The following ID2 variants were observed in gnomAD, a reference collection of about 807,000 sequenced individuals.
ID2 encodes the protein DNA-binding protein inhibitor ID-2.
ID2 carries 2 observed loss-of-function variants against 8.3 expected under a neutral mutation model. The observed-to-expected ratio is 0.24, with a 90% CI of 0.10 to 0.76. The LOEUF is 0.76. Among genes scored for constraint, ID2 ranks in the 30% least tolerant of loss-of-function variants. The probability of loss-of-function intolerance (pLI) is 0.73; values close to 1 mark genes in which losing one functional copy is unlikely to be tolerated. For missense variants in ID2, 155 were observed against 167.0 expected (o/e 0.93, Z 0.40); for synonymous variants, 112 against 72.3 (o/e 1.55, Z -2.79).
In ID2 at chr2:8,682,094, G is replaced by A; in HGVS notation, c.-72G>A. The A allele has an allele frequency of 1.1e-5, 14 of 1,254,626 alleles. No homozygotes were observed. In the South Asian group the frequency reaches 1.5e-4, roughly 14 times the overall value. The allele number at this position is 1,254,626 out of a possible 1,614,324, so 77.7% of individuals were successfully genotyped here. A position where few individuals can be genotyped will look rare whatever the true frequency, so the allele number is the denominator to read the frequency against. On this transcript the variant is annotated 5_prime_UTR_variant, in exon 1 of 3. Coordinates refer to ENST00000396290, the MANE Select transcript of ID2 (RefSeq NM_002166.5). ...CCCGGTGCCAAGCGCAGCTAGCTCA[G>A]CAGGCGGCAGCGGCGGCCTGAGCTT...
At position 8,682,440 on chromosome 2, in the gene ID2, G is replaced by A; in HGVS notation, c.275G>A (p.Arg92Lys). 1 of 1,613,670 alleles carries A rather than the reference G, an allele frequency of 6.2e-7. No individual in the cohort carries two copies. Among genetic ancestry groups the A allele is most frequent in the South Asian group, 1.1e-5 (1 of 91,086 alleles). Residue 92 changes from arginine (R) to lysine (K), a missense_variant, in exon 1 of 3, where the codon AGA becomes AAA. Arg to Lys is a conservative substitution (Grantham distance 26). This residue lies in a region of ID2 where 75 missense variants were observed against 72.2 expected (regional missense o/e 1.04). Transcript: ENST00000396290. ...HPTIVSLHHQ[R>K]PGQNQASRTP... is the part of the protein sequence containing the mutation. ...ACTATTGTCAGCCTGCATCACCAGA[G>A]ACCCGGGCAGAACCAGGCGTCCAGG...
chr2:8,682,082 G>A lies in ID2; in HGVS notation c.-84G>A, dbSNP rs1207369472. On this transcript the variant is annotated 5_prime_UTR_variant, in exon 1 of 3. Transcript: ENST00000396290. ...TTCTGAGCCGAGCCCGGTGCCAAGCGCAGCTAGCTCAGCAGGCGGCAGCGG... is the reference window on the plus strand; with the variant it reads ...TTCTGAGCCGAGCCCGGTGCCAAGCACAGCTAGCTCAGCAGGCGGCAGCGG... The A allele has an allele frequency of 1.5e-5, 17 of 1,115,620 alleles. No homozygotes were observed. Among genetic ancestry groups the A allele is most frequent in the East Asian group, 4.7e-5 (2 of 42,208 alleles). 69.1% of individuals were successfully genotyped at this position (1,115,620 alleles called of 1,614,324 possible). A position where few individuals can be genotyped will look rare whatever the true frequency, so the allele number is the denominator to read the frequency against.
chr2:8,683,088 C>T, intron 2 of ID2, 182 bp downstream of exon 2: 6 of 612,182 alleles, frequency 9.8e-6, no homozygotes, highest in South Asian at 1.9e-5. Context: ...TTTGGGTGCT[C>T]GAGATCACAG....
At chr2:8,682,647 G>A in intron 1 of ID2, 134 bp downstream of exon 1, 2 of 734,984 alleles carry the variant, frequency 2.7e-6, no homozygotes, top group Non-Finnish European at 2.2e-6. Context: ...AGAATCTGCT[G>A]TAGATTGAGC....
Position 8,682,090 on chromosome 2 carries a change from C to G in ID2, c.-76C>G, listed in dbSNP as rs1254537204. 10 of 1,229,546 alleles carry G rather than the reference C, an allele frequency of 8.1e-6. No homozygotes were observed. Among genetic ancestry groups the G allele is most frequent in the African/African-American group, 4.5e-5 (3 of 67,006 alleles). 76.2% of individuals were successfully genotyped at this position (1,229,546 alleles called of 1,614,324 possible). A position where few individuals can be genotyped will look rare whatever the true frequency, so the allele number is the denominator to read the frequency against. ...CGAGCCCGGTGCCAAGCGCAGCTAGCTCAGCAGGCGGCAGCGGCGGCCTGA... is the reference window on the plus strand; with the variant it reads ...CGAGCCCGGTGCCAAGCGCAGCTAGGTCAGCAGGCGGCAGCGGCGGCCTGA... On this transcript the variant is annotated 5_prime_UTR_variant, in exon 1 of 3. Transcript: ENST00000396290.
Position 8,683,895 on chromosome 2 carries a change from A to G in ID2, c.*218A>G, listed in dbSNP as rs1015519316. 6 of 152,570 alleles carry G rather than the reference A, an allele frequency of 3.9e-5. No homozygotes were observed. Among genetic ancestry groups the G allele is most frequent in the African/African-American group, 1.4e-4 (6 of 41,450 alleles). 9.5% of individuals were successfully genotyped at this position (152,570 alleles called of 1,614,324 possible). A position where few individuals can be genotyped will look rare whatever the true frequency, so the allele number is the denominator to read the frequency against. ...GGACTGTGATATTCGTTATTTATGA[A>G]AAAGACTTTTAAATGCCCTTTCTGC... is the stretch of plus-strand genomic sequence containing the variant. On this transcript the variant is annotated 3_prime_UTR_variant, in exon 3 of 3. Transcript: ENST00000396290.
rs1428399046 is a variant in ID2, at chr2:8,682,258, C to G, written c.93C>G (p.Asp31Glu). The change falls in exon 1 of 3, where the codon GAC (aspartate) becomes GAG (glutamate). Residue 31 changes from aspartate to glutamate, a missense_variant. By Grantham distance (45) the Asp-to-Glu change is conservative. Around this residue, in one of 3 missense-constraint regions of ID2, gnomAD observed 73 missense variants for 72.2 expected, o/e 1.01. Coordinates refer to ENST00000396290, the MANE Select transcript of ID2 (RefSeq NM_002166.5). Reference sequence around the variant, plus strand: ...CCCGGAGCAAAACCCCTGTGGACGACCCGATGAGCCTGCTATACAACATGA... The same window carrying G: ...CCCGGAGCAAAACCCCTGTGGACGAGCCGATGAGCCTGCTATACAACATGA... ...GISRSKTPVD[D>E]PMSLLYNMND... The G allele has an allele frequency of 6.2e-7, 1 of 1,614,048 alleles. No homozygotes were observed. Among genetic ancestry groups the G allele is most frequent in the East Asian group, 2.2e-5 (1 of 44,886 alleles).
Position 8,682,465 on chromosome 2 carries a change from G to A in ID2, c.300G>A (p.Arg100=), listed in dbSNP as rs749259495. ...GACCCGGGCAGAACCAGGCGTCCAG[G>A]ACGCCGCTGACCACCCTCAACACGG... ...HQRPGQNQAS[R]TPLTTLNTDI... is the part of the protein sequence containing the mutation. Residue 100 remains arginine (R), a synonymous_variant, in exon 1 of 3, where the codon AGG becomes AGA. Transcript: ENST00000396290. 8.1e-6 allele frequency: 13 copies of A among 1,613,500 alleles called. No individual in the cohort carries two copies. The South Asian group carries it at 8.8e-5, about 11-fold the overall frequency.
chr2:8,682,231 C>T lies in ID2; in HGVS notation c.66C>T (p.Ile22=), dbSNP rs759165008. Reference sequence around the variant, plus strand: ...GCCTGTCGGACCACAGCCTGGGCATCTCCCGGAGCAAAACCCCTGTGGACG... The same window carrying T: ...GCCTGTCGGACCACAGCCTGGGCATTTCCCGGAGCAAAACCCCTGTGGACG... ...KNSLSDHSLG[I]SRSKTPVDDP... Residue 22 remains isoleucine, a synonymous_variant, in exon 1 of 3, where the codon ATC becomes ATT. Transcript: ENST00000396290. 1.2e-6 allele frequency: 2 copies of T among 1,614,084 alleles called. No individual in the cohort carries two copies. Among genetic ancestry groups the T allele is most frequent in the Non-Finnish European group, 1.7e-6 (2 of 1,180,036 alleles).
At chr2:8,683,078 T>A (rs1190314141) in intron 2 of ID2, 172 bp downstream of exon 2, 4 of 629,504 alleles carry the variant, frequency 6.4e-6, no homozygotes, top group Non-Finnish European at 1.2e-5. Context: ...AGCTTGTAGC[T>A]TTGGGTGCTC....
At chr2:8,683,370 C>A (rs1572357336) in intron 2 of ID2, among the ~76,000 whole-genome samples, 1 of 152,184 alleles carries the variant, frequency 6.6e-6, no homozygotes, top group Non-Finnish European at 1.5e-5. Flanking sequence ...TCCCAGACTT[C>A]CCTATCTGTT....
chr2:8,682,763 A>G (rs1247606164), intron 1 of ID2, 80 bp from the exon 2 acceptor site: 22 of 166,406 alleles, frequency 1.3e-4, no homozygotes, highest in African/African-American at 3.1e-4. Context: ...TGTGGACTAC[A>G]AAAAAAAAAA....
chr2:8,682,790 C>T (rs946603527), intron 1 of ID2, 53 bp from the exon 2 acceptor site: 33 of 1,264,280 alleles, frequency 2.6e-5, no homozygotes, highest in South Asian at 1.5e-4. Flanking sequence ...AAAAAAAACC[C>T]TTTCTACTTA....
In ID2 at chr2:8,684,417, A is replaced by C. The variant is rs988436839; in HGVS notation, c.*740A>C. On this transcript the variant is annotated 3_prime_UTR_variant, in exon 3 of 3. Transcript: ENST00000396290. ...TAAATACAAGTTCAAATTTATGTAG[A>C]CTGTATAAGATTATAATAAAACATG... 4 of 152,204 alleles carry C rather than the reference A, an allele frequency of 2.6e-5. No individual in the cohort carries two copies. Among genetic ancestry groups the C allele is most frequent in the Non-Finnish European group, 5.9e-5 (4 of 68,000 alleles). The allele number at this position is 152,204 out of a possible 1,614,324, so 9.4% of individuals were successfully genotyped here.
rs567093271 is a variant in ID2, at chr2:8,682,743, C to T, written c.349-100C>T. The stretch of plus-strand genomic sequence containing the variant: ...GTTACCATAAACGTGTTTAATGGAA[C>T]TTGCTGGTCTGTGGACTACAAAAAA... On this transcript the variant is annotated intron_variant, in intron 1 of 2. Coordinates refer to ENST00000396290, the MANE Select transcript of ID2 (RefSeq NM_002166.5). 1.7e-5 allele frequency: 15 copies of T among 902,804 alleles called. No homozygotes were observed. In the East Asian group the frequency reaches 3.7e-4, roughly 22 times the overall value. The allele number at this position is 902,804 out of a possible 1,614,324, so 55.9% of individuals were successfully genotyped here.
chr2:8,683,359 A>C (rs1357695011), intron 2 of ID2, among the ~76,000 whole-genome samples: 1 of 152,184 alleles, frequency 6.6e-6, no homozygotes, highest in Non-Finnish European at 1.5e-5. Context: ...GTGATGTGGG[A>C]TCCCAGACTT....
intron 2 of ID2, among the ~76,000 whole-genome samples, chr2:8,683,415 C>G (rs896737044): frequency 9.9e-5 from 15 of 152,190 alleles, no homozygotes; most frequent in Admixed American, 2.0e-4. Context: ...ATAATTGTTA[C>G]GAGAAGCAGA....
rs1242739426 is a variant in ID2 at position 8,684,364 on chromosome 2, A to T, written c.*687A>T. ...TCAGAGGACCAGTGCTTTGATTTTTATTATGCTATGTTATAACTGAACCCA... is the reference window on the plus strand; with the variant it reads ...TCAGAGGACCAGTGCTTTGATTTTTTTTATGCTATGTTATAACTGAACCCA... On this transcript the variant is annotated 3_prime_UTR_variant, in exon 3 of 3. Transcript: ENST00000396290. 1 of 152,504 alleles carries T rather than the reference A, an allele frequency of 6.6e-6. No homozygotes were observed. The highest frequency in any genetic ancestry group is 2.4e-5 in the African/African-American group (1 of 41,422). The allele number at this position is 152,504 out of a possible 1,614,324, so 9.4% of individuals were successfully genotyped here. A position where few individuals can be genotyped will look rare whatever the true frequency, so the allele number is the denominator to read the frequency against.
chr2:8,683,332 C>T (rs912443210), intron 2 of ID2, among the ~76,000 whole-genome samples: 2 of 152,158 alleles, frequency 1.3e-5, no homozygotes, highest in Non-Finnish European at 2.9e-5. Context: ...GGATTGCTAC[C>T]CTGTGCCTTC....
Sources: allele counts gnomAD v4.1 joint callset (sites outside exome capture counted in the v4.1 genomes callset), GRCh38; gene constraint gnomAD v4.1.1; regional missense constraint gnomAD v4.1.1; transcripts MANE v1.5; gene names NCBI Gene and HGNC (gene_info 2026-07-23, HGNC 2026-07-21).